Variants in TNRC6A observed in about 807,000 individuals in gnomAD.
TNRC6A encodes the protein trinucleotide repeat-containing gene 6A protein.
A neutral mutation model predicts 221.2 loss-of-function variants in TNRC6A; 44 were observed. The ratio of observed to expected loss-of-function variants is 0.20; its 90% CI spans 0.16 to 0.26. TNRC6A has a LOEUF of 0.26. TNRC6A is among the 10% of genes least tolerant of loss of function. The pLI is 1.00. For synonymous variants in TNRC6A, 847 were observed against 838.5 expected (o/e 1.01, Z -0.18); for missense variants, 2,199 against 2,404.4 (o/e 0.91, Z 1.79).
intron 2 of TNRC6A, among the ~76,000 whole-genome samples, chr16:24,746,300 C>G (rs2057009266): frequency 1.3e-5 from 2 of 152,242 alleles, no homozygotes; most frequent in South Asian, 2.1e-4. Flanking sequence ...GTGGCTCACC[C>G]CTGTAATCCC....
At chr16:24,780,702 G>A (rs1596691386) in intron 5 of TNRC6A, among the ~76,000 whole-genome samples, 2 of 151,730 alleles carry the variant, frequency 1.3e-5, no homozygotes, top group African/African-American at 4.8e-5. Context: ...TTCTTAAGGT[G>A]TATGAGTATA....
At chr16:24,787,540 C>T (rs1278753067) in intron 5 of TNRC6A, among the ~76,000 whole-genome samples, 3 of 152,174 alleles carry the variant, frequency 2.0e-5, no homozygotes, top group Non-Finnish European at 4.4e-5. Flanking sequence ...TTTGCTTACA[C>T]CCAATGAGAC....
chr16:24,802,108 A>G (rs928987575), intron 11 of TNRC6A, among the ~76,000 whole-genome samples: 2 of 152,212 alleles, frequency 1.3e-5, no homozygotes, highest in Non-Finnish European at 2.9e-5. Context: ...TTCCTTTTCC[A>G]CTTACCTGGA....
At chr16:24,686,160 C>A (rs184622758) in intron 2 of TNRC6A, among the ~76,000 whole-genome samples, 1 of 152,274 alleles carries the variant, frequency 6.6e-6, no homozygotes, top group East Asian at 1.9e-4. Flanking sequence ...GTCTCCATGG[C>A]AACGCGATTT....
rs79143923 is a variant in TNRC6A at position 24,676,135 on chromosome 16, G to T, written n.402+35126G>T. Among the ~76,000 whole-genome samples the T allele has an allele frequency of 1.9e-3, 286 of 152,018 alleles. 1 individual carries two copies. The highest frequency in any genetic ancestry group is 6.6e-3 in the African/African-American group (275 of 41,464). ...CAATAAGATAAAAAGAATCAAAAAT[G>T]ATTTACACCCACTTATCTCCATTTG... On this transcript the variant is annotated intron_variant and non_coding_transcript_variant, in intron 2 of 2. Coordinates refer to the TNRC6A transcript ENST00000566108.
intron 2 of TNRC6A, among the ~76,000 whole-genome samples, chr16:24,669,693 G>A (rs531668232): frequency 2.4e-4 from 36 of 152,080 alleles, no homozygotes; most frequent in African/African-American, 8.4e-4. Flanking sequence ...GGACTGAGTC[G>A]CCAGTGATTC....
chr16:24,624,133 T>C (rs1596548938), intron 1 of TNRC6A, among the ~76,000 whole-genome samples: 1 of 152,128 alleles, frequency 6.6e-6, no homozygotes, highest in Admixed American at 6.6e-5. Context: ...CAACTCGGGG[T>C]AAGTCCACTC....
chr16:24,803,115 T>C (rs191560411), intron 11 of TNRC6A, among the ~76,000 whole-genome samples: 1 of 152,196 alleles, frequency 6.6e-6, no homozygotes, highest in African/African-American at 2.4e-5. Flanking sequence ...AACATTAAAT[T>C]AGTACACATA....
At chr16:24,684,481 T>TG (rs2055589355) in intron 2 of TNRC6A, among the ~76,000 whole-genome samples, 1 of 152,018 alleles carries the variant, frequency 6.6e-6, no homozygotes, top group African/African-American at 2.4e-5. Context: ...TGTCACAAAA[T>TG]AGTATTCTTC....
At chr16:24,655,668 G>A (rs1596605548) in intron 2 of TNRC6A, among the ~76,000 whole-genome samples, 10 of 151,534 alleles carry the variant, frequency 6.6e-5, no homozygotes, top group Admixed American at 5.3e-4. Flanking sequence ...CAGCCTGGGC[G>A]ACAAGAGTGA....
intron 2 of TNRC6A, among the ~76,000 whole-genome samples, chr16:24,670,635 GC>G (rs1251082209): frequency 6.6e-6 from 1 of 151,936 alleles, no homozygotes; most frequent in Non-Finnish European, 1.5e-5. Flanking sequence ...TACCTGCTTG[GC>G]CCCACCTGTG....
At chr16:24,674,494 A>G (rs996888467) in intron 2 of TNRC6A, among the ~76,000 whole-genome samples, 1 of 152,172 alleles carries the variant, frequency 6.6e-6, no homozygotes, top group Non-Finnish European at 1.5e-5. Context: ...CCAGGATGGC[A>G]TTAATAATCT....
chr16:24,722,067 A>G (rs2056419085), intron 2 of TNRC6A, among the ~76,000 whole-genome samples: 2 of 152,168 alleles, frequency 1.3e-5, no homozygotes, highest in African/African-American at 4.8e-5. Context: ...AAAGTGTTCT[A>G]TATAGTGATT....
Position 24,806,768 on chromosome 16 carries a change from C to T in TNRC6A, c.4524C>T (p.Phe1508=). Residue 1508 remains phenylalanine, a synonymous_variant, in exon 17 of 25, where the codon TTC becomes TTT. Coordinates refer to ENST00000395799, the MANE Select transcript of TNRC6A (RefSeq NM_014494.4). ...LQKGPSPINA[F]SNFPIGLNSN... is the part of the protein sequence containing the mutation. ...AAGGGCCATCACCAATAAATGCTTT[C>T]AGCAACTTCCCTATAGGTGGGTTTC... 6.2e-7 allele frequency: 1 copy of T among 1,614,196 alleles called. No homozygotes were observed. The highest frequency in any genetic ancestry group is 8.5e-7 in the Non-Finnish European group (1 of 1,180,038).
intron 4 of TNRC6A, chr16:24,776,347 T>C (rs2057717510): frequency 1.0e-6 from 1 of 984,978 alleles, no homozygotes; most frequent in African/African-American, 1.7e-5. Context: ...TCTTTGTCTT[T>C]AGTTCCATGT....
At chr16:24,654,331 A>G (rs1025391349) in intron 2 of TNRC6A, among the ~76,000 whole-genome samples, 1 of 152,230 alleles carries the variant, frequency 6.6e-6, no homozygotes, top group African/African-American at 2.4e-5. Flanking sequence ...ATGAATGATT[A>G]CACTGTGCTT....
intron 17 of TNRC6A, 30 bp from the exon 18 acceptor site, chr16:24,809,320 A>G: frequency 6.8e-7 from 1 of 1,475,292 alleles, no homozygotes; most frequent in South Asian, 1.5e-5. Flanking sequence ...TGTATTTTCT[A>G]AGGTTTTGTT....
chr16:24,721,283 C>T (rs1458348946), intron 2 of TNRC6A, among the ~76,000 whole-genome samples: 7 of 152,080 alleles, frequency 4.6e-5, no homozygotes, highest in Admixed American at 4.6e-4. Flanking sequence ...AAACACATGC[C>T]CACTGTCCAC....
chr16:24,789,946 A>G lies in TNRC6A; in HGVS notation c.1304A>G (p.Gln435Arg), dbSNP rs1314868890. The G allele has an allele frequency of 2.5e-6, 4 of 1,613,912 alleles. No homozygotes were observed. The highest frequency in any genetic ancestry group is 2.7e-5 in the African/African-American group (2 of 74,948). ...ETCESEVSGT[Q>R]KVSFSGQPQN... ...TGTGAATCTGAAGTAAGTGGTACAC[A>G]GAAGGTTTCATTCAGTGGTCAACCT... Residue 435 changes from glutamine (Q) to arginine (R), a missense_variant, in exon 6 of 25, where the codon CAG (glutamine) becomes CGG (arginine). Gln to Arg is a conservative substitution (Grantham distance 43). Coordinates refer to ENST00000395799, the MANE Select transcript of TNRC6A (RefSeq NM_014494.4).
Sources: allele counts gnomAD v4.1 joint callset (sites outside exome capture counted in the v4.1 genomes callset), GRCh38; gene constraint gnomAD v4.1.1; transcripts MANE v1.5; gene names NCBI Gene and HGNC (gene_info 2026-07-23, HGNC 2026-07-21).